RAB33A: variants seen among roughly 807,000 people sequenced by gnomAD.
RAB33A encodes RAB33A, member RAS oncogene family.
In RAB33A, 6 loss-of-function variants were observed where a neutral mutation model predicts 12.0. The observed-to-expected ratio is 0.50, with a 90% CI of 0.27 to 0.99. The LOEUF (loss-of-function observed/expected upper bound fraction) is 0.99, where lower values mean the gene tolerates loss of function less well. Among genes scored for constraint, RAB33A ranks in the 50% least tolerant of loss-of-function variants. The probability of loss-of-function intolerance (pLI) is 0.11; values close to 1 mark genes in which losing one functional copy is unlikely to be tolerated. For missense variants in RAB33A, 109 were observed against 192.0 expected (o/e 0.57, Z 2.55); for synonymous variants, 70 against 82.4 (o/e 0.85, Z 0.81).
chrX:130,160,047 T>C, the RAB33A span, among the ~76,000 whole-genome samples: 1 of 111,222 alleles, frequency 9.0e-6, no homozygotes, highest in African/African-American at 3.3e-5. Flanking sequence ...GAAAAGTAAA[T>C]TGACTTTAAA....
At chrX:130,133,407 C>T in the RAB33A span, 2 of 1,208,430 alleles carry the variant, frequency 1.7e-6, no homozygotes, top group African/African-American at 3.5e-5. Flanking sequence ...TGGTGCTCTA[C>T]CCGCCTCCTT....
At chrX:130,126,005 C>T in the RAB33A span, among the ~76,000 whole-genome samples, 2 of 112,313 alleles carry the variant, frequency 1.8e-5, no homozygotes, top group Admixed American at 9.4e-5. Context: ...CCATCTGATA[C>T]CGTTTATGAA....
chrX:130,144,258 T>C, the RAB33A span, among the ~76,000 whole-genome samples: 1 of 111,472 alleles, frequency 9.0e-6, no homozygotes, highest in Non-Finnish European at 1.9e-5. Context: ...ATCTCTGAAA[T>C]GGTCTCTCTC....
At chrX:130,167,929 G>A (rs764121145), upstream of RAB33A, among the ~76,000 whole-genome samples, 46 of 109,362 alleles carry the variant, frequency 4.2e-4, no homozygotes, top group Admixed American at 3.2e-3. Context: ...TGTAATGCCA[G>A]TACTTTGGGA....
the RAB33A span, among the ~76,000 whole-genome samples, chrX:130,166,197 T>C: frequency 8.9e-6 from 1 of 111,967 alleles, no homozygotes; most frequent in Non-Finnish European, 1.9e-5. Flanking sequence ...TCTTTTGCAG[T>C]GATCCAGATC....
At chrX:130,119,234 CA>C in the RAB33A span, among the ~76,000 whole-genome samples, 1 of 111,590 alleles carries the variant, frequency 9.0e-6, no homozygotes, top group African/African-American at 3.3e-5. Context: ...CCCCTCCAGC[CA>C]GCTGTGGAGA....
the RAB33A span, among the ~76,000 whole-genome samples, chrX:130,164,775 C>T: frequency 1.8e-5 from 2 of 111,641 alleles, no homozygotes; most frequent in African/African-American, 6.5e-5. Flanking sequence ...GGCTAGCAAA[C>T]TATCCTTAGC....
chrX:130,121,252 C>CTTTTTTT, the RAB33A span, among the ~76,000 whole-genome samples: 1 of 94,777 alleles, frequency 1.1e-5, no homozygotes, highest in African/African-American at 4.0e-5. Flanking sequence ...CTTTTCTTTT[C>CTTTTTTT]TTTTTTTTTT....
At chrX:130,166,061 G>A in the RAB33A span, among the ~76,000 whole-genome samples, 5 of 112,037 alleles carry the variant, frequency 4.5e-5, no homozygotes, top group Non-Finnish European at 9.4e-5. Context: ...TGGCGGTTGT[G>A]CCTGGTGCTG....
At chrX:130,142,555 C>T in the RAB33A span, among the ~76,000 whole-genome samples, 4 of 111,931 alleles carry the variant, frequency 3.6e-5, no homozygotes, top group African/African-American at 9.7e-5. Flanking sequence ...GTCCTCTTCA[C>T]GCTTTTATCC....
chrX:130,127,610 C>T, the RAB33A span, among the ~76,000 whole-genome samples: 1 of 107,905 alleles, frequency 9.3e-6, no homozygotes, highest in Non-Finnish European at 1.9e-5. Context: ...ACACTAGGAT[C>T]TTAGTCTTAC....
the RAB33A span, chrX:130,131,914 C>T: frequency 3.1e-6 from 3 of 958,582 alleles, no homozygotes; most frequent in African/African-American, 3.8e-5. Flanking sequence ...ACTCGTTGCC[C>T]AGGCTGGAGT....
At chrX:130,177,770 G>A (rs923425085) in intron 1 of RAB33A, among the ~76,000 whole-genome samples, 1 of 111,238 alleles carries the variant, frequency 9.0e-6, no homozygotes, top group Non-Finnish European at 1.9e-5. Flanking sequence ...CTTGGGCCGA[G>A]ATCTGCACCC....
the RAB33A span, among the ~76,000 whole-genome samples, chrX:130,153,313 A>G: frequency 1.0e-5 from 1 of 96,799 alleles, no homozygotes; most frequent in Admixed American, 1.2e-4. Flanking sequence ...AGATCGCGCC[A>G]CTGCACTCCA....
chrX:130,133,807 T>C, the RAB33A span, among the ~76,000 whole-genome samples: 10 of 108,824 alleles, frequency 9.2e-5, no homozygotes, highest in African/African-American at 2.7e-4. Context: ...TTTTTTTTTT[T>C]TTTTGGTAGA....
At chrX:130,123,656 C>T in the RAB33A span, among the ~76,000 whole-genome samples, 2 of 95,084 alleles carry the variant, frequency 2.1e-5, no homozygotes, top group South Asian at 1.1e-3. Context: ...GAGATCACAC[C>T]ACTCACTACA....
At chrX:130,162,022 T>A in the RAB33A span, among the ~76,000 whole-genome samples, 1 of 112,594 alleles carries the variant, frequency 8.9e-6, no homozygotes, top group Non-Finnish European at 1.9e-5. Flanking sequence ...AAGGAAAAAT[T>A]ATTTAGATAA....
the RAB33A span, among the ~76,000 whole-genome samples, chrX:130,126,184 T>C: frequency 8.9e-6 from 1 of 112,166 alleles, no homozygotes; most frequent in Non-Finnish European, 1.9e-5. Flanking sequence ...CTGGCACTGC[T>C]TGTCTGTGGA....
intron 1 of RAB33A, among the ~76,000 whole-genome samples, chrX:130,176,347 A>T (rs1468054710): frequency 1.8e-5 from 2 of 111,529 alleles, no homozygotes; most frequent in Non-Finnish European, 3.8e-5. Context: ...CATTCTTTGT[A>T]TATTTGCATG....
Sources: allele counts gnomAD v4.1 joint callset (sites outside exome capture counted in the v4.1 genomes callset), GRCh38; gene constraint gnomAD v4.1.1; transcripts MANE v1.5; gene names NCBI Gene and HGNC (gene_info 2026-07-23, HGNC 2026-07-21).